PIEZO2: variants seen among roughly 807,000 people sequenced by gnomAD.
PIEZO2 encodes the protein piezo type mechanosensitive ion channel component 2.
In PIEZO2, 172 loss-of-function variants were observed where a neutral mutation model predicts 337.3. The ratio of observed to expected loss-of-function variants is 0.51; its 90% CI spans 0.45 to 0.58. PIEZO2 has a LOEUF of 0.58. PIEZO2 is among the 20% of genes least tolerant of loss of function. PIEZO2 has a pLI of 0.00. For synonymous variants in PIEZO2, 1,251 were observed against 1,228.5 expected (o/e 1.02, Z -0.38); for missense variants, 3,028 against 3,391.3 (o/e 0.89, Z 2.66).
At chr18:10,891,594 G>A (rs185917644) in intron 4 of PIEZO2, among the ~76,000 whole-genome samples, 31 of 152,274 alleles carry the variant, frequency 2.0e-4, no homozygotes, top group African/African-American at 7.2e-4. Flanking sequence ...CACAGGAATG[G>A]TCTCCCTTCA....
chr18:10,725,422 G>A (rs553404202), intron 36 of PIEZO2: 340 of 1,602,386 alleles, frequency 2.1e-4, no homozygotes, highest in Non-Finnish European at 2.8e-4. Context: ...ACCAGAGCCC[G>A]CCAGTACTGG....
intron 4 of PIEZO2, among the ~76,000 whole-genome samples, chr18:10,909,922 T>G (rs1423950313): frequency 6.6e-6 from 1 of 152,346 alleles, no homozygotes; most frequent in Non-Finnish European, 1.5e-5. Context: ...GGTGCTGATG[T>G]AGGTGTTGGT....
chr18:10,731,375 C>T, intron 36 of PIEZO2, 32 bp downstream of exon 36: 1 of 1,468,182 alleles, frequency 6.8e-7, no homozygotes. Flanking sequence ...AAACCTGCCA[C>T]ACCCACCACA....
intron 3 of PIEZO2, among the ~76,000 whole-genome samples, chr18:10,958,987 A>G (rs1787485061): frequency 6.6e-6 from 1 of 152,206 alleles, no homozygotes; most frequent in Non-Finnish European, 1.5e-5. Context: ...ATAATAAATA[A>G]TTCCAAGAGT....
chr18:11,148,476 C>A lies in PIEZO2; in HGVS notation c.64+49G>T, dbSNP rs1476098152. 2 of 1,525,612 alleles carry A rather than the reference C, an allele frequency of 1.3e-6. No homozygotes were observed. The highest frequency in any genetic ancestry group is 8.8e-7 in the Non-Finnish European group (1 of 1,136,696). 94.5% of individuals were successfully genotyped at this position (1,525,612 alleles called of 1,614,324 possible). A position where few individuals can be genotyped will look rare whatever the true frequency, so the allele number is the denominator to read the frequency against. On this transcript the variant is annotated intron_variant, in intron 1 of 55. Transcript: ENST00000674853. This position sits in a 1 kb window ranked among gnomAD's most constrained non-coding sequence, Gnocchi z 5.2. Reference sequence around the variant, plus strand: ...TTTGTTAAGAAGTCCCCCACCCAGGCGCCCCCCTCGTCCTCCTCAAGTGCC... The same window carrying A: ...TTTGTTAAGAAGTCCCCCACCCAGGAGCCCCCCTCGTCCTCCTCAAGTGCC...
chr18:10,745,312 T>C (rs1038894725), intron 30 of PIEZO2, among the ~76,000 whole-genome samples: 4 of 152,036 alleles, frequency 2.6e-5, no homozygotes, highest in African/African-American at 4.8e-5. Context: ...CCGAATTCTG[T>C]CCATTAACAT....
chr18:10,757,404 G>A (rs1403294802), intron 27 of PIEZO2, among the ~76,000 whole-genome samples: 2 of 148,754 alleles, frequency 1.3e-5, no homozygotes, highest in South Asian at 2.2e-4. Flanking sequence ...ATGAGAATAA[G>A]TGATGAAGAT....
rs1001654747 is a variant in PIEZO2 at position 11,125,965 on chromosome 18, A to G, written c.64+22560T>C. On this transcript the variant is annotated intron_variant, in intron 1 of 55. Coordinates refer to ENST00000674853, the MANE Select transcript of PIEZO2 (RefSeq NM_001378183.1). The surrounding 1 kb of genome is among the most constrained non-coding windows in gnomAD (Gnocchi z 4.4). ...ATGGTGCCTACCATAAGATGGACAG[A>G]CAAGTAGCACGTGACTGTGGTTTTA... is the stretch of plus-strand genomic sequence containing the variant. Among the ~76,000 whole-genome samples the G allele has an allele frequency of 2.0e-4, 30 of 152,250 alleles. No homozygotes were observed. Among genetic ancestry groups the G allele is most frequent in the African/African-American group, 6.3e-4 (26 of 41,468 alleles).
chr18:11,056,207 G>A (rs1013819526), intron 2 of PIEZO2, among the ~76,000 whole-genome samples: 4 of 152,312 alleles, frequency 2.6e-5, no homozygotes, highest in Non-Finnish European at 5.9e-5. Context: ...TGGTCATTGG[G>A]TCCAGGCTGC....
At chr18:11,145,856 G>C (rs1234247771) in intron 1 of PIEZO2, among the ~76,000 whole-genome samples, 1 of 152,168 alleles carries the variant, frequency 6.6e-6, no homozygotes, top group Non-Finnish European at 1.5e-5. Flanking sequence ...CTAGGGTCAG[G>C]TCTCCCAGGG....
At position 10,794,723 on chromosome 18, in the gene PIEZO2, A is replaced by G; in HGVS notation, c.1758+49T>C. On this transcript the variant is annotated intron_variant, in intron 13 of 55. Transcript: ENST00000674853. The surrounding 1 kb of genome is among the most constrained non-coding windows in gnomAD (Gnocchi z 6.6). ...TCTCTTGGATACGATTATGATGATG[A>G]TTGTGGTTTTGTGTCATTGTTTTGT... The G allele has an allele frequency of 7.7e-7, 1 of 1,298,016 alleles. No homozygotes were observed. Among genetic ancestry groups the G allele is most frequent in the African/African-American group, 1.5e-5 (1 of 66,922 alleles). The allele number at this position is 1,298,016 out of a possible 1,614,324, so 80.4% of individuals were successfully genotyped here. A position where few individuals can be genotyped will look rare whatever the true frequency, so the allele number is the denominator to read the frequency against.
In PIEZO2 at chr18:10,748,039, GC is replaced by G. The variant is rs753474134; in HGVS notation, c.4424+431del. Among the ~76,000 whole-genome samples, 23 of 152,176 alleles carry G rather than the reference GC, an allele frequency of 1.5e-4. No individual in the cohort carries two copies. Among genetic ancestry groups the G allele is most frequent in the Non-Finnish European group, 2.6e-4 (18 of 68,010 alleles). On this transcript the variant is annotated intron_variant, in intron 30 of 55. Transcript: ENST00000674853. The surrounding 1 kb of genome is among the most constrained non-coding windows in gnomAD (Gnocchi z 5.1). ...GGGCAAAAACTGGAAGAAGAATGGAGCCTAGGGGAAAAAACAGGTAGTAATG... is the reference window on the plus strand; with the variant it reads ...GGGCAAAAACTGGAAGAAGAATGGAGCTAGGGGAAAAAACAGGTAGTAATG...
At position 10,714,758 on chromosome 18, in the gene PIEZO2, A is replaced by C; in HGVS notation, c.5423+6T>G. 1 of 1,536,586 alleles carries C rather than the reference A, an allele frequency of 6.5e-7. No homozygotes were observed. The highest frequency in any genetic ancestry group is 8.7e-7 in the Non-Finnish European group (1 of 1,146,668). The stretch of plus-strand genomic sequence containing the variant: ...AAAGTAAACCCATTGTTAGAAAGTG[A>C]AATACCTGGAGATACTGTCATGTGA... On this transcript the variant is annotated splice_donor_region_variant and intron_variant, in intron 39 of 55. Coordinates refer to ENST00000674853, the MANE Select transcript of PIEZO2 (RefSeq NM_001378183.1).
In PIEZO2 at chr18:10,696,193, C is replaced by A. The variant is rs2035074417; in HGVS notation, c.7071G>T (p.Met2357Ile). 2 of 1,613,938 alleles carry A rather than the reference C, an allele frequency of 1.2e-6. No individual in the cohort carries two copies. The highest frequency in any genetic ancestry group is 1.7e-6 in the Non-Finnish European group (2 of 1,179,886). ...LVMVLIQFGTMVVDRALYLRK... is the reference protein window; with the variant it reads ...LVMVLIQFGTIVVDRALYLRK... ...TGAGGTAGAGGGCTCGGTCCACCAC[C>A]ATGGTTCCAAACTGAATGAGGACCA... is the stretch of plus-strand genomic sequence containing the variant. Residue 2357 changes from methionine to isoleucine, a missense_variant, in exon 47 of 56, where the codon ATG becomes ATT. By Grantham distance (10) the Met-to-Ile change is conservative (BLOSUM62 1). Transcript: ENST00000674853.
intron 45 of PIEZO2, 38 bp downstream of exon 45, chr18:10,697,710 C>T (rs875957): frequency 2.5e-6 from 4 of 1,602,060 alleles, no homozygotes; most frequent in African/African-American, 2.7e-5. Flanking sequence ...CAAAACCCTA[C>T]AATAAAGCAC....
Position 10,741,045 on chromosome 18 carries a change from A to T in PIEZO2, c.4694T>A (p.Val1565Asp), listed in dbSNP as rs1598421571. 2.0e-6 allele frequency: 3 copies of T among 1,537,198 alleles called. No homozygotes were observed. Among genetic ancestry groups the T allele is most frequent in the Non-Finnish European group, 2.6e-6 (3 of 1,146,896 alleles). ...AGAAAACCTACTGGAAGCATGATCAACCCAAGGCCGCCACCACTGCTTTTT... is the reference window on the plus strand; with the variant it reads ...AGAAAACCTACTGGAAGCATGATCATCCCAAGGCCGCCACCACTGCTTTTT... ...GKKKQWWRPWVDHASMVRSGD... is the reference protein window; with the variant it reads ...GKKKQWWRPWDDHASMVRSGD... Residue 1565 changes from valine (V) to aspartate (D), a missense_variant, in exon 33 of 56, where the codon GTT becomes GAT. By Grantham distance (152) the Val-to-Asp change is radical. Transcript: ENST00000674853.
intron 52 of PIEZO2, among the ~76,000 whole-genome samples, chr18:10,679,458 GGATATT>G (rs2034164841): frequency 6.6e-6 from 1 of 152,102 alleles, no homozygotes; most frequent in African/African-American, 2.4e-5. Context: ...TTAAGGAGCA[GGATATT>G]GATTTTTTTG....
At chr18:10,885,940 T>C (rs112132988) in intron 4 of PIEZO2, among the ~76,000 whole-genome samples, 10 of 152,166 alleles carry the variant, frequency 6.6e-5, no homozygotes, top group African/African-American at 2.2e-4. Flanking sequence ...TCAAGTCAAG[T>C]ACATAGGTTT....
intron 3 of PIEZO2, among the ~76,000 whole-genome samples, chr18:10,957,960 A>G (rs2033613191): frequency 6.6e-6 from 1 of 152,212 alleles, no homozygotes; most frequent in African/African-American, 2.4e-5. Flanking sequence ...AACCACAGTG[A>G]GACACCACTT....
Sources: allele counts gnomAD v4.1 joint callset (sites outside exome capture counted in the v4.1 genomes callset), GRCh38; gene constraint gnomAD v4.1.1; non-coding constraint Gnocchi (gnomAD v3.1); transcripts MANE v1.5; gene names NCBI Gene and HGNC (gene_info 2026-07-23, HGNC 2026-07-21).